Variants in TNS3 observed in about 807,000 individuals in gnomAD.
The protein encoded by TNS3 is tensin 3, also known as tensin-3.
Under a neutral mutation model 140.9 loss-of-function variants are expected in TNS3, and 45 were observed. That is an observed-to-expected ratio of 0.32 (90% CI 0.25 to 0.41). The LOEUF is 0.41. Among genes scored for constraint, TNS3 ranks in the 10% least tolerant of loss-of-function variants. TNS3 has a pLI of 1.00. For missense variants in TNS3, 1,716 were observed against 1,906.7 expected, an observed-to-expected ratio of 0.90 and a Z score of 1.86; for synonymous variants, 815 against 788.4, an observed-to-expected ratio of 1.03 and a Z score of -0.56.
At chr7:47,381,592 A>C (rs1791762141) in intron 16 of TNS3, among the ~76,000 whole-genome samples, 1 of 152,188 alleles carries the variant, frequency 6.6e-6, no homozygotes, top group Admixed American at 6.5e-5. Context: ...AAAAATCACC[A>C]ATCAGCCATC....
intron 30 of TNS3, 85 bp downstream of exon 30, chr7:47,280,079 C>A: frequency 1.3e-6 from 2 of 1,515,124 alleles, no homozygotes. Context: ...TTATAAGGCA[C>A]CCCCTGTGCA....
At chr7:47,543,920 C>T (rs1799857142) in intron 1 of TNS3, among the ~76,000 whole-genome samples, 1 of 152,114 alleles carries the variant, frequency 6.6e-6, no homozygotes, top group South Asian at 2.1e-4. Context: ...GTGTTTTTGC[C>T]CGCCCTGGGG....
chr7:47,551,055 G>A (rs928604788), intron 1 of TNS3, among the ~76,000 whole-genome samples: 3 of 152,196 alleles, frequency 2.0e-5, no homozygotes, highest in African/African-American at 7.2e-5. Context: ...AGCCTCTTGG[G>A]AGCCTGGGTG....
chr7:47,563,962 G>GC (rs1268435413), intron 1 of TNS3, among the ~76,000 whole-genome samples: 1 of 152,092 alleles, frequency 6.6e-6, no homozygotes, highest in East Asian at 1.9e-4. Context: ...GGGAGGCCAA[G>GC]ATGGGCAGAT....
chr7:47,529,038 C>T lies in TNS3; in HGVS notation c.-155G>A, dbSNP rs547609422. ...GAGAATCATAAACACAGACTTACCT[C>T]GGCATGAAATACCTTGACCGTCAAT... is the stretch of plus-strand genomic sequence containing the variant. On this transcript the variant is annotated splice_region_variant and 5_prime_UTR_variant, in exon 2 of 31. Coordinates refer to ENST00000311160, the MANE Select transcript of TNS3 (RefSeq NM_022748.12). 10 of 1,283,126 alleles carry T rather than the reference C, an allele frequency of 7.8e-6. No individual in the cohort carries two copies. The highest frequency in any genetic ancestry group is 1.3e-5 in the South Asian group (1 of 79,456). The allele number at this position is 1,283,126 out of a possible 1,614,324, so 79.5% of individuals were successfully genotyped here. A position where few individuals can be genotyped will look rare whatever the true frequency, so the allele number is the denominator to read the frequency against.
intron 12 of TNS3, among the ~76,000 whole-genome samples, chr7:47,413,047 A>G (rs945956586): frequency 6.6e-6 from 1 of 151,874 alleles, no homozygotes; most frequent in African/African-American, 2.4e-5. Context: ...TCTGCCTCTC[A>G]GGTTCAAGCA....
chr7:47,389,016 A>C (rs1394163217), intron 16 of TNS3, among the ~76,000 whole-genome samples: 4 of 1,738 alleles, frequency 2.3e-3, no homozygotes, highest in Non-Finnish European at 6.1e-3. Flanking sequence ...GAAGAAGAAG[A>C]AGAAGAAGAA....
At chr7:47,389,585 T>C (rs143688608) in intron 16 of TNS3, among the ~76,000 whole-genome samples, 1,263 of 102,690 alleles carry the variant, frequency 0.012, 16 homozygotes, top group African/African-American at 0.042. Flanking sequence ...AACAACTCTT[T>C]TGACTGCCCC....
intron 2 of TNS3, among the ~76,000 whole-genome samples, chr7:47,519,694 G>A (rs563366620): frequency 6.6e-6 from 1 of 152,316 alleles, no homozygotes; most frequent in African/African-American, 2.4e-5. Context: ...GAGCTGGCTG[G>A]AGGGGCGAGG....
At chr7:47,526,302 AG>A (rs1284912660) in intron 2 of TNS3, among the ~76,000 whole-genome samples, 1 of 152,208 alleles carries the variant, frequency 6.6e-6, no homozygotes. Context: ...GTTGTGCAAA[AG>A]GCCTCTGTGT....
intron 16 of TNS3, among the ~76,000 whole-genome samples, chr7:47,391,822 T>C (rs1460691245): frequency 3.3e-5 from 5 of 152,090 alleles, no homozygotes; most frequent in Admixed American, 6.5e-5. Context: ...CCCTCTTGTG[T>C]GACGAGGAGG....
At chr7:47,420,666 C>T (rs1056989590) in intron 10 of TNS3, among the ~76,000 whole-genome samples, 15 of 152,220 alleles carry the variant, frequency 9.9e-5, no homozygotes, top group Admixed American at 9.8e-4. Context: ...TTAAACACCA[C>T]ACTTGACCTT....
intron 1 of TNS3, among the ~76,000 whole-genome samples, chr7:47,531,576 G>C (rs1053407795): frequency 6.6e-6 from 1 of 152,140 alleles, no homozygotes; most frequent in Non-Finnish European, 1.5e-5. Context: ...CTCACCAAAA[G>C]ATAATTAACT....
At chr7:47,388,253 C>T (rs1013120034) in intron 16 of TNS3, among the ~76,000 whole-genome samples, 2 of 152,196 alleles carry the variant, frequency 1.3e-5, no homozygotes, top group Admixed American at 1.3e-4. Flanking sequence ...CATACACACA[C>T]ACACACTGCT....
chr7:47,397,462 T>A (rs952422811), intron 15 of TNS3, among the ~76,000 whole-genome samples: 1 of 152,156 alleles, frequency 6.6e-6, no homozygotes, highest in South Asian at 2.1e-4. Flanking sequence ...ATCTGGACAA[T>A]TCACCTTGAT....
At chr7:47,386,801 G>A (rs71545990) in intron 16 of TNS3, among the ~76,000 whole-genome samples, 20,123 of 152,252 alleles carry the variant, frequency 0.13, 1,794 homozygotes, top group East Asian at 0.33. Flanking sequence ...ATTAAAGCTC[G>A]CTTTTCTTAC....
chr7:47,302,165 G>A (rs996899794), intron 23 of TNS3, 21 bp downstream of exon 23: 7 of 1,602,188 alleles, frequency 4.4e-6, no homozygotes, highest in Non-Finnish European at 6.0e-6. Flanking sequence ...GCCCAAGGAG[G>A]CCCTCATCCT....
chr7:47,354,584 C>A (rs953249592), intron 17 of TNS3, among the ~76,000 whole-genome samples: 7 of 151,700 alleles, frequency 4.6e-5, no homozygotes, highest in African/African-American at 1.7e-4. Flanking sequence ...GCTGCCCTTA[C>A]TTCCCTGCCA....
intron 4 of TNS3, among the ~76,000 whole-genome samples, chr7:47,467,405 CTTTT>C (rs1320349228): frequency 2.0e-5 from 3 of 152,202 alleles, no homozygotes; most frequent in Non-Finnish European, 4.4e-5. Flanking sequence ...CCGGCAGGGA[CTTTT>C]TTCTTTTTAA....
Sources: gnomAD v4.1 joint callset for allele counts (sites outside exome capture counted in the v4.1 genomes callset) on GRCh38, gnomAD v4.1.1 for gene constraint, MANE v1.5 for transcripts, NCBI Gene and HGNC (gene_info 2026-07-23, HGNC 2026-07-21) for gene names.